The following VAT1L variants were observed in gnomAD, a reference collection of about 807,000 sequenced individuals.
VAT1L encodes putative NADPH-dependent quinone oxidoreductase VAT1L.
A neutral mutation model predicts 44.1 loss-of-function variants in VAT1L; 34 were observed. The observed-to-expected ratio is 0.77, with a 90% confidence interval of 0.59 to 1.03. The LOEUF is 1.03. Among genes scored for constraint, VAT1L ranks in the 50% least tolerant of loss-of-function variants. The probability of loss-of-function intolerance (pLI) is 0.00; values close to 1 mark genes in which losing one functional copy is unlikely to be tolerated. For synonymous variants in VAT1L, 253 were observed against 202.2 expected (o/e 1.25, Z -2.13); for missense variants, 615 against 538.8 (o/e 1.14, Z -1.40).
intron 3 of VAT1L, among the ~76,000 whole-genome samples, chr16:77,857,921 A>T (rs1176201983): frequency 1.3e-5 from 2 of 151,838 alleles, no homozygotes; most frequent in Non-Finnish European, 2.9e-5. Context: ...GCATAGGTTA[A>T]TTAAATGCAC....
At chr16:77,888,030 C>A (rs1049469903) in intron 7 of VAT1L, among the ~76,000 whole-genome samples, 6 of 152,190 alleles carry the variant, frequency 3.9e-5, no homozygotes, top group Admixed American at 6.5e-5. Context: ...TGTCTTGAGC[C>A]TTCAAACATG....
chr16:77,926,178 G>A (rs1045709052), intron 7 of VAT1L, among the ~76,000 whole-genome samples: 15 of 150,606 alleles, frequency 1.0e-4, no homozygotes, highest in Admixed American at 4.7e-4. Flanking sequence ...GCGTGAACCC[G>A]GGAGGCGGAG....
intron 3 of VAT1L, among the ~76,000 whole-genome samples, chr16:77,843,969 GA>G (rs2016732820): frequency 6.6e-6 from 1 of 152,166 alleles, no homozygotes; most frequent in Admixed American, 6.5e-5. Flanking sequence ...GATCTTTACT[GA>G]GCATGTACTA....
chr16:77,910,512 A>C (rs912630094), intron 7 of VAT1L, among the ~76,000 whole-genome samples: 2 of 152,012 alleles, frequency 1.3e-5, no homozygotes, highest in African/African-American at 2.4e-5. Flanking sequence ...CTCTACTAAA[A>C]ATACAAAAAA....
At chr16:77,836,148 A>G (rs1399400093) in intron 3 of VAT1L, among the ~76,000 whole-genome samples, 1 of 152,020 alleles carries the variant, frequency 6.6e-6, no homozygotes, top group Non-Finnish European at 1.5e-5. Context: ...TTTCAGTGTT[A>G]TTTTCTAGGC....
intron 7 of VAT1L, among the ~76,000 whole-genome samples, chr16:77,941,549 G>C (rs936851231): frequency 1.3e-5 from 2 of 152,124 alleles, no homozygotes; most frequent in East Asian, 3.9e-4. Context: ...TGGGACTGCT[G>C]GGTCAAATGG....
At chr16:77,862,255 G>A (rs2016922188) in intron 3 of VAT1L, among the ~76,000 whole-genome samples, 1 of 152,190 alleles carries the variant, frequency 6.6e-6, no homozygotes. Flanking sequence ...GTAGTAGGTA[G>A]AGGCCTGGAG....
chr16:77,884,887 A>C lies in VAT1L; in HGVS notation c.1077+85A>C, dbSNP rs897674279. ...GCAGCCAAATACAATCTTCTACTAA[A>C]TGATTTTTTTCCCAGATGGGTTTGT... On this transcript the variant is annotated intron_variant, in intron 7 of 8. Transcript: ENST00000302536. The surrounding 1 kb of genome is among the most constrained non-coding windows in gnomAD (Gnocchi z 4.5). 2.2e-6 allele frequency: 3 copies of C among 1,375,954 alleles called. No individual in the cohort carries two copies. The highest frequency in any genetic ancestry group is 2.9e-6 in the Non-Finnish European group (3 of 1,050,102). The allele number at this position is 1,375,954 out of a possible 1,614,324, so 85.2% of individuals were successfully genotyped here. A position where few individuals can be genotyped will look rare whatever the true frequency, so the allele number is the denominator to read the frequency against.
chr16:77,842,720 C>T (rs975376227), intron 3 of VAT1L, among the ~76,000 whole-genome samples: 9 of 152,136 alleles, frequency 5.9e-5, no homozygotes, highest in Non-Finnish European at 1.0e-4. Context: ...CCTAAAACAC[C>T]TCTGCTCTCT....
intron 7 of VAT1L, among the ~76,000 whole-genome samples, chr16:77,922,341 A>C (rs1052061576): frequency 6.6e-6 from 1 of 152,168 alleles, no homozygotes; most frequent in Admixed American, 6.5e-5. Flanking sequence ...AATTATAGTA[A>C]TTACCAAGGC....
chr16:77,935,458 G>C (rs1407589639), intron 7 of VAT1L, among the ~76,000 whole-genome samples: 2 of 148,238 alleles, frequency 1.3e-5, no homozygotes, highest in African/African-American at 5.0e-5. Context: ...CACAAGCCTT[G>C]TGCTCAGTAT....
At chr16:77,898,074 C>G (rs1261859582) in intron 7 of VAT1L, among the ~76,000 whole-genome samples, 1 of 152,132 alleles carries the variant, frequency 6.6e-6, no homozygotes, top group Non-Finnish European at 1.5e-5. Flanking sequence ...TTAGGTCTGG[C>G]AATCTTTGGC....
chr16:77,856,391 T>G (rs1291105418), intron 3 of VAT1L, among the ~76,000 whole-genome samples: 1 of 152,194 alleles, frequency 6.6e-6, no homozygotes, highest in Non-Finnish European at 1.5e-5. Flanking sequence ...CTAGCCTAAA[T>G]TCCCACTTAA....
intron 7 of VAT1L, among the ~76,000 whole-genome samples, chr16:77,891,280 G>C (rs767052264): frequency 3.3e-5 from 5 of 152,124 alleles, no homozygotes; most frequent in Non-Finnish European, 7.3e-5. Flanking sequence ...CATGAACCCA[G>C]GAGGTGGAGC....
intron 7 of VAT1L, among the ~76,000 whole-genome samples, chr16:77,957,328 A>G (rs573918312): frequency 6.6e-6 from 1 of 152,330 alleles, no homozygotes; most frequent in South Asian, 2.1e-4. Context: ...AAGCAAGGCA[A>G]TTACATCATT....
chr16:77,905,804 A>C (rs997009704), intron 7 of VAT1L, among the ~76,000 whole-genome samples: 3 of 152,200 alleles, frequency 2.0e-5, no homozygotes, highest in Admixed American at 1.3e-4. Flanking sequence ...TGCAGTGTTG[A>C]GAAACATGGT....
At chr16:77,892,564 T>C in intron 7 of VAT1L, 2 of 607,708 alleles carry the variant, frequency 3.3e-6, no homozygotes, top group Non-Finnish European at 6.5e-6. Flanking sequence ...GATTTGGTTA[T>C]AAGGGTTCAT....
intron 6 of VAT1L, among the ~76,000 whole-genome samples, chr16:77,883,741 T>C (rs1018655061): frequency 5.9e-5 from 9 of 152,214 alleles, no homozygotes; most frequent in Non-Finnish European, 2.9e-5. Flanking sequence ...CATTTCTTCA[T>C]GCTGTTACTT....
At chr16:77,799,884 C>T (rs2145211963) in intron 1 of VAT1L, 1 of 152,282 alleles carries the variant, frequency 6.6e-6, no homozygotes, top group Admixed American at 6.5e-5. Flanking sequence ...GATCAGTTAA[C>T]ATGATGCCAA....
Sources: gnomAD v4.1 joint callset for allele counts (sites outside exome capture counted in the v4.1 genomes callset) on GRCh38, gnomAD v4.1.1 for gene constraint, Gnocchi (gnomAD v3.1) non-coding constraint, MANE v1.5 for transcripts, NCBI Gene and HGNC (gene_info 2026-07-23, HGNC 2026-07-21) for gene names.